Variants in SUCLG2 observed in about 807,000 individuals in gnomAD.
SUCLG2 encodes succinate-CoA ligase GDP-forming subunit beta.
SUCLG2 carries 42 observed loss-of-function variants against 47.9 expected under a neutral mutation model. The ratio of observed to expected loss-of-function variants is 0.88; its 90% CI spans 0.69 to 1.14. The LOEUF (loss-of-function observed/expected upper bound fraction) is 1.14, where lower values mean the gene tolerates loss of function less well. Ranked by LOEUF, SUCLG2 falls within the 50% of genes most tolerant of loss-of-function variation. The pLI, the probability that SUCLG2 is intolerant of heterozygous loss-of-function variation, is 0.00. For synonymous variants in SUCLG2, 195 were observed against 197.3 expected (o/e 0.99, Z 0.10); for missense variants, 571 against 525.9 (o/e 1.09, Z -0.84).
At chr3:67,638,521 A>T (rs1701045837) in intron 1 of SUCLG2, among the ~76,000 whole-genome samples, 1 of 152,252 alleles carries the variant, frequency 6.6e-6, no homozygotes, top group Non-Finnish European at 1.5e-5. Context: ...TCCATGGATC[A>T]GGAGATGCCC....
chr3:67,540,352 T>C (rs2107172918), intron 2 of SUCLG2, among the ~76,000 whole-genome samples: 1 of 152,056 alleles, frequency 6.6e-6, no homozygotes, highest in South Asian at 2.1e-4. Context: ...CCTGGGGTGC[T>C]TGGTGGGAGG....
At chr3:67,384,018 A>C (rs1207433528) in intron 10 of SUCLG2, among the ~76,000 whole-genome samples, 4 of 152,150 alleles carry the variant, frequency 2.6e-5, no homozygotes, top group Admixed American at 6.5e-5. Flanking sequence ...GATTTAAGAA[A>C]TTTTCAAAGG....
At chr3:67,508,722 C>T in intron 7 of SUCLG2, 85 bp downstream of exon 7, 1 of 1,000,572 alleles carries the variant, frequency 1.0e-6, no homozygotes, top group Non-Finnish European at 1.5e-6. Context: ...TGCAAAGCTG[C>T]TGCTACAGTC....
chr3:67,461,745 C>T (rs1704340811), intron 9 of SUCLG2, among the ~76,000 whole-genome samples: 1 of 152,114 alleles, frequency 6.6e-6, no homozygotes, highest in African/African-American at 2.4e-5. Flanking sequence ...TGTCTCTAGA[C>T]ATTGCCAAAT....
At chr3:67,634,822 C>T (rs1700981668) in intron 1 of SUCLG2, among the ~76,000 whole-genome samples, 1 of 152,160 alleles carries the variant, frequency 6.6e-6, no homozygotes, top group African/African-American at 2.4e-5. Flanking sequence ...GCAGACAATA[C>T]CTGTCTTCCA....
chr3:67,515,110 C>T (rs1239159502), intron 6 of SUCLG2, among the ~76,000 whole-genome samples: 3 of 152,150 alleles, frequency 2.0e-5, no homozygotes, highest in Non-Finnish European at 4.4e-5. Context: ...AGGGTGAGTA[C>T]AGTACAATGA....
At chr3:67,422,473 CAAAAAAAAAAAAAAAA>C (rs58345420) in intron 9 of SUCLG2, among the ~76,000 whole-genome samples, 3 of 30,662 alleles carry the variant, frequency 9.8e-5, no homozygotes, top group Non-Finnish European at 1.0e-4. Context: ...GACTCCATCT[CAAAAAAAAAAAAAAAA>C]AAAAAAAAAA....
At chr3:67,412,293 T>C (rs1439867991) in intron 9 of SUCLG2, among the ~76,000 whole-genome samples, 1 of 152,196 alleles carries the variant, frequency 6.6e-6, no homozygotes, top group Non-Finnish European at 1.5e-5. Context: ...CCACACCTTC[T>C]CTCATCCATG....
intron 1 of SUCLG2, among the ~76,000 whole-genome samples, chr3:67,620,632 C>T (rs1248707451): frequency 7.1e-6 from 1 of 140,346 alleles, no homozygotes; most frequent in Non-Finnish European, 1.6e-5. Flanking sequence ...AAAAGAAAGA[C>T]ACATGATGAG....
At chr3:67,560,569 G>C (rs1202980189) in intron 2 of SUCLG2, among the ~76,000 whole-genome samples, 20 of 152,138 alleles carry the variant, frequency 1.3e-4, no homozygotes. Flanking sequence ...ACAGCATTGT[G>C]GTGGGGGTTC....
At chr3:67,429,469 T>C (rs564680592) in intron 9 of SUCLG2, among the ~76,000 whole-genome samples, 115 of 152,202 alleles carry the variant, frequency 7.6e-4, no homozygotes, top group African/African-American at 2.7e-3. Context: ...TGGAAAGGAA[T>C]AACCGGTACC....
chr3:67,504,065 T>C (rs1705573257), intron 7 of SUCLG2, among the ~76,000 whole-genome samples: 1 of 152,238 alleles, frequency 6.6e-6, no homozygotes, highest in Admixed American at 6.5e-5. Flanking sequence ...TCAAGCAACG[T>C]ACTGCGTTTG....
chr3:67,469,562 T>C (rs1160468385), intron 9 of SUCLG2, among the ~76,000 whole-genome samples: 1 of 151,162 alleles, frequency 6.6e-6, no homozygotes, highest in Non-Finnish European at 1.5e-5. Context: ...ACCCCGTCTC[T>C]ACTAAAAAAT....
At chr3:67,537,231 A>C (rs944866325) in intron 2 of SUCLG2, among the ~76,000 whole-genome samples, 30 of 151,396 alleles carry the variant, frequency 2.0e-4, no homozygotes, top group African/African-American at 7.0e-4. Flanking sequence ...CCCCCAACCC[A>C]CCGACAGGCC....
At chr3:67,491,297 G>T (rs1705197781) in intron 9 of SUCLG2, among the ~76,000 whole-genome samples, 1 of 149,830 alleles carries the variant, frequency 6.7e-6, no homozygotes, top group Non-Finnish European at 1.5e-5. Context: ...GTAGGAAAAT[G>T]ATGGGGACTG....
chr3:67,512,941 CTCTCCATATATA>C (rs1211628767), intron 6 of SUCLG2, among the ~76,000 whole-genome samples: 4 of 150,398 alleles, frequency 2.7e-5, no homozygotes, highest in African/African-American at 1.0e-4. Flanking sequence ...ACATATATAT[CTCTCCATATATA>C]TCTCCATATA....
At chr3:67,628,339 T>C (rs1436557851) in intron 1 of SUCLG2, among the ~76,000 whole-genome samples, 1 of 152,216 alleles carries the variant, frequency 6.6e-6, no homozygotes, top group African/African-American at 2.4e-5. Context: ...CGAGTATGAA[T>C]GTATAAGATG....
At chr3:67,427,249 T>G (rs9851352) in intron 9 of SUCLG2, among the ~76,000 whole-genome samples, 18,033 of 152,170 alleles carry the variant, frequency 0.12, 1,285 homozygotes, top group African/African-American at 0.19. Context: ...AATTTATTGT[T>G]GTAAGATCAG....
intron 10 of SUCLG2, among the ~76,000 whole-genome samples, chr3:67,368,209 A>C (rs1288910246): frequency 6.6e-6 from 1 of 152,128 alleles, no homozygotes; most frequent in Non-Finnish European, 1.5e-5. Context: ...AGTCCAGTAA[A>C]ATTTCTTCTC....
Sources: allele counts gnomAD v4.1 joint callset (sites outside exome capture counted in the v4.1 genomes callset), GRCh38; gene constraint gnomAD v4.1.1; transcripts MANE v1.5; gene names NCBI Gene and HGNC (gene_info 2026-07-23, HGNC 2026-07-21).